GALNT14: variants seen among roughly 807,000 people sequenced by gnomAD.
GALNT14 encodes the protein UDP-GalNAc:polypeptide N-acetylgalactosaminyltransferase 14.
In GALNT14, 60 loss-of-function variants were observed where a neutral mutation model predicts 77.5. That is an observed-to-expected ratio of 0.77 (90% confidence interval 0.63 to 0.96). The LOEUF (loss-of-function observed/expected upper bound fraction) is 0.96, where lower values mean the gene tolerates loss of function less well. Ranked by LOEUF, GALNT14 falls within the 40% of genes least tolerant of loss-of-function variation. The pLI is 0.00. For missense variants in GALNT14, 710 were observed against 731.0 expected, an observed-to-expected ratio of 0.97 and a Z score of 0.33; for synonymous variants, 280 against 281.7, an observed-to-expected ratio of 0.99 and a Z score of 0.06.
At chr2:30,924,858 C>T in intron 11 of GALNT14, 35 bp from the exon 12 acceptor site, 1 of 1,583,662 alleles carries the variant, frequency 6.3e-7, no homozygotes, top group Non-Finnish European at 8.7e-7. Flanking sequence ...GACACAAAGA[C>T]AAAACACAGC....
intron 1 of GALNT14, among the ~76,000 whole-genome samples, chr2:31,119,009 C>T (rs1678252069): frequency 6.6e-6 from 1 of 151,910 alleles, no homozygotes; most frequent in African/African-American, 2.4e-5. Flanking sequence ...ACACAAATGA[C>T]TATTCATTTT....
rs115351615 is a variant in GALNT14, at chr2:30,967,293, G to A, written c.300-991C>T. 6.3e-3 allele frequency among the ~76,000 whole-genome samples: 954 copies of A among 152,310 alleles called. 3 individuals carry two copies. Among genetic ancestry groups the A allele is most frequent in the Middle Eastern group, 0.02 (6 of 294 alleles). ...ATGTGCATTTCTTTTCCCCTGGAAAGATAGTTCATAGTTTTCACTAGTCTC... is the reference window on the plus strand; with the variant it reads ...ATGTGCATTTCTTTTCCCCTGGAAAAATAGTTCATAGTTTTCACTAGTCTC... On this transcript the variant is annotated intron_variant, in intron 2 of 14. Coordinates refer to ENST00000349752, the MANE Select transcript of GALNT14 (RefSeq NM_024572.4).
chr2:30,944,543 C>T (rs556755861), intron 8 of GALNT14, among the ~76,000 whole-genome samples: 2 of 152,258 alleles, frequency 1.3e-5, no homozygotes, highest in Non-Finnish European at 2.9e-5. Flanking sequence ...ACCATCTTTC[C>T]CCTCACTAGA....
intron 1 of GALNT14, among the ~76,000 whole-genome samples, chr2:31,094,904 T>C (rs1166666564): frequency 1.3e-5 from 2 of 152,060 alleles, no homozygotes; most frequent in Non-Finnish European, 2.9e-5. Context: ...CTCTATCCAA[T>C]GAACAGATTG....
intron 6 of GALNT14, among the ~76,000 whole-genome samples, chr2:30,949,605 T>C (rs762919880): frequency 6.6e-6 from 1 of 152,194 alleles, no homozygotes; most frequent in South Asian, 2.1e-4. Context: ...AGAGGCTGAA[T>C]GCATCAGCCC....
At chr2:31,021,077 A>G (rs894398615) in intron 1 of GALNT14, among the ~76,000 whole-genome samples, 1 of 152,090 alleles carries the variant, frequency 6.6e-6, no homozygotes, top group Admixed American at 6.5e-5. Context: ...AGGAGCACAA[A>G]TGCCCATCTC....
At chr2:31,091,677 G>A (rs1676748524) in intron 1 of GALNT14, among the ~76,000 whole-genome samples, 1 of 152,242 alleles carries the variant, frequency 6.6e-6, no homozygotes, top group Admixed American at 6.5e-5. Context: ...GATTCAGTGT[G>A]TGGTGAGGGT....
intron 1 of GALNT14, among the ~76,000 whole-genome samples, chr2:31,046,193 T>C (rs561619356): frequency 1.3e-5 from 2 of 151,930 alleles, no homozygotes; most frequent in African/African-American, 4.8e-5. Flanking sequence ...ATATGGGGTT[T>C]GAACCTAAGT....
chr2:30,886,973 T>C, the GALNT14 span, among the ~76,000 whole-genome samples: 1 of 152,254 alleles, frequency 6.6e-6, no homozygotes, highest in African/African-American at 2.4e-5. Flanking sequence ...TTTTCAGATA[T>C]TTCATATGAA....
At chr2:31,031,887 G>A (rs145792743) in intron 1 of GALNT14, among the ~76,000 whole-genome samples, 7 of 152,260 alleles carry the variant, frequency 4.6e-5, no homozygotes, top group South Asian at 2.1e-4. Flanking sequence ...GGGATACAGT[G>A]TTCTCTCTCT....
At chr2:30,931,131 C>T (rs963009852) in intron 10 of GALNT14, among the ~76,000 whole-genome samples, 5 of 152,216 alleles carry the variant, frequency 3.3e-5, no homozygotes, top group Non-Finnish European at 7.3e-5. Context: ...TTTCTTATCA[C>T]CCTACCCTTG....
chr2:30,898,289 C>G, the GALNT14 span, among the ~76,000 whole-genome samples: 1 of 152,184 alleles, frequency 6.6e-6, no homozygotes, highest in Non-Finnish European at 1.5e-5. Flanking sequence ...TAAAACCACC[C>G]AGGGTATGAC....
intron 2 of GALNT14, among the ~76,000 whole-genome samples, chr2:30,979,468 G>A (rs1668851352): frequency 6.6e-6 from 1 of 152,106 alleles, no homozygotes; most frequent in Non-Finnish European, 1.5e-5. Context: ...AATCAAGGAG[G>A]AGAGACAGGG....
chr2:30,899,130 A>G, the GALNT14 span, among the ~76,000 whole-genome samples: 1 of 152,200 alleles, frequency 6.6e-6, no homozygotes, highest in African/African-American at 2.4e-5. Flanking sequence ...ACTCCTATTT[A>G]GCATCTGGCT....
intron 1 of GALNT14, among the ~76,000 whole-genome samples, chr2:30,996,596 CCAA>C (rs1302490646): frequency 6.6e-6 from 1 of 152,210 alleles, no homozygotes; most frequent in Non-Finnish European, 1.5e-5. Flanking sequence ...AGGCATGGGC[CCAA>C]GAGGGCCCGA....
chr2:31,098,416 TG>T (rs1677099735), intron 1 of GALNT14, among the ~76,000 whole-genome samples: 1 of 152,142 alleles, frequency 6.6e-6, no homozygotes, highest in Non-Finnish European at 1.5e-5. Context: ...AATACCTCAG[TG>T]ACTATGTCAG....
At chr2:30,986,688 G>T (rs560140244) in intron 2 of GALNT14, among the ~76,000 whole-genome samples, 1 of 152,274 alleles carries the variant, frequency 6.6e-6, no homozygotes, top group South Asian at 2.1e-4. Flanking sequence ...AACTCCTCTG[G>T]ACAATCATCT....
At chr2:31,062,508 G>C (rs1305201547) in intron 1 of GALNT14, among the ~76,000 whole-genome samples, 2 of 152,140 alleles carry the variant, frequency 1.3e-5, no homozygotes, top group Non-Finnish European at 2.9e-5. Context: ...TGCAAATAGT[G>C]CTGCAGTAAA....
the GALNT14 span, among the ~76,000 whole-genome samples, chr2:30,903,130 G>C: frequency 1.3e-5 from 2 of 152,166 alleles, no homozygotes; most frequent in East Asian, 3.9e-4. Context: ...CACCAGAGGA[G>C]CTTCTGGGGC....
Sources: allele counts gnomAD v4.1 joint callset (sites outside exome capture counted in the v4.1 genomes callset), GRCh38; gene constraint gnomAD v4.1.1; transcripts MANE v1.5; gene names NCBI Gene and HGNC (gene_info 2026-07-23, HGNC 2026-07-21).